EFCAB8: variants seen among roughly 807,000 people sequenced by gnomAD.
EFCAB8 encodes the protein EF-hand calcium-binding domain-containing protein 8.
Under a neutral mutation model 116.3 loss-of-function variants are expected in EFCAB8, and 100 were observed. That is an observed-to-expected ratio of 0.86 (90% CI 0.73 to 1.02). The LOEUF is 1.02. EFCAB8 is among the 50% of genes least tolerant of loss of function. The pLI is 0.00. For synonymous variants in EFCAB8, 558 were observed against 567.9 expected (o/e 0.98, Z 0.25); for missense variants, 1,320 against 1,416.9 (o/e 0.93, Z 1.10).
At chr20:32,915,144 C>T (rs1452484258) in intron 17 of EFCAB8, among the ~76,000 whole-genome samples, 1 of 152,202 alleles carries the variant, frequency 6.6e-6, no homozygotes. Context: ...TTCAAGCAAT[C>T]CTCCTGTCTT....
chr20:32,906,703 G>C (rs1319066270), intron 12 of EFCAB8, 74 bp downstream of exon 12: 4 of 719,046 alleles, frequency 5.6e-6, no homozygotes, highest in Non-Finnish European at 1.0e-5. Flanking sequence ...CCAGAGCTCA[G>C]GAGAGGGCTG....
intron 6 of EFCAB8, 84 bp downstream of exon 6, chr20:32,885,724 A>G (rs1985590891): frequency 6.7e-7 from 1 of 1,498,348 alleles, no homozygotes; most frequent in East Asian, 2.5e-5. Context: ...GGTGACCTGG[A>G]GCCAGGCAGA....
chr20:32,933,926 G>A (rs947810945), intron 22 of EFCAB8, among the ~76,000 whole-genome samples: 10 of 152,160 alleles, frequency 6.6e-5, no homozygotes, highest in African/African-American at 1.7e-4. Context: ...GCAGTGAGCC[G>A]AGGTTGCGCC....
intron 6 of EFCAB8, among the ~76,000 whole-genome samples, chr20:32,886,233 A>G (rs1410117037): frequency 6.6e-6 from 1 of 152,232 alleles, no homozygotes; most frequent in Admixed American, 6.5e-5. Flanking sequence ...TTGGGAACAC[A>G]TGATGACATA....
chr20:32,925,403 G>T (rs1987631610), intron 20 of EFCAB8, among the ~76,000 whole-genome samples: 1 of 152,118 alleles, frequency 6.6e-6, no homozygotes, highest in African/African-American at 2.4e-5. Flanking sequence ...GTTTTTAATG[G>T]AGACAGGGTT....
chr20:32,940,213 C>T (rs1265227314), intron 22 of EFCAB8, among the ~76,000 whole-genome samples: 1 of 148,910 alleles, frequency 6.7e-6, no homozygotes, highest in Non-Finnish European at 1.5e-5. Context: ...GTGATACTGG[C>T]ATAAAGAAAG....
At chr20:32,938,074 G>A (rs1988191139) in intron 22 of EFCAB8, among the ~76,000 whole-genome samples, 2 of 149,744 alleles carry the variant, frequency 1.3e-5, no homozygotes, top group Non-Finnish European at 3.0e-5. Context: ...CAAAATACTA[G>A]CAAATTGAAA....
At chr20:32,923,303 C>T (rs542287258) in intron 20 of EFCAB8, among the ~76,000 whole-genome samples, 285 of 152,186 alleles carry the variant, frequency 1.9e-3, no homozygotes, top group African/African-American at 5.9e-3. Context: ...CTGGGCAACA[C>T]GGTGAAACCC....
intron 6 of EFCAB8, among the ~76,000 whole-genome samples, chr20:32,887,582 A>G (rs1568909807): frequency 1.3e-5 from 2 of 152,246 alleles, no homozygotes. Context: ...CTCAATAAAA[A>G]GAGAGTAAAA....
chr20:32,865,386 C>T (rs960088268), intron 2 of EFCAB8, among the ~76,000 whole-genome samples: 12 of 151,998 alleles, frequency 7.9e-5, no homozygotes, highest in African/African-American at 2.9e-4. Context: ...GTGCCTGGAA[C>T]ATGGTGCATG....
chr20:32,909,766 C>T, intron 14 of EFCAB8, 55 bp from the exon 15 acceptor site: 4 of 963,176 alleles, frequency 4.2e-6, no homozygotes, highest in Non-Finnish European at 5.5e-6. Flanking sequence ...CAGCCCATCA[C>T]TGTGAGCAGA....
rs767876925 is a variant in EFCAB8, at chr20:32,912,775, T to G, written c.1786-19T>G. On this transcript the variant is annotated intron_variant, in intron 16 of 26. Transcript: ENST00000400522. ...TCTCTGATAAGTTTTCTAGTTCTGTTTTCTTTCATCTTCAACAGATTAGTG... is the reference window on the plus strand; with the variant it reads ...TCTCTGATAAGTTTTCTAGTTCTGTGTTCTTTCATCTTCAACAGATTAGTG... 2.8e-6 allele frequency: 2 copies of G among 718,580 alleles called. No homozygotes were observed. The highest frequency in any genetic ancestry group is 2.7e-5 in the East Asian group (1 of 37,288). The allele number at this position is 718,580 out of a possible 1,614,324, so 44.5% of individuals were successfully genotyped here.
intron 24 of EFCAB8, among the ~76,000 whole-genome samples, chr20:32,959,391 T>A (rs1298671736): frequency 6.6e-6 from 1 of 152,214 alleles, no homozygotes; most frequent in African/African-American, 2.4e-5. Flanking sequence ...TTGTGACTCC[T>A]ATGCTTCCAT....
chr20:32,900,547 CATTTTTT>C (rs1427820729), intron 11 of EFCAB8, among the ~76,000 whole-genome samples: 1 of 151,252 alleles, frequency 6.6e-6, no homozygotes, highest in Non-Finnish European at 1.5e-5. Flanking sequence ...TTTTATTTTT[CATTTTTT>C]AATTTTTATT....
rs374580855 is a variant in EFCAB8, at chr20:32,908,376, C to G, written c.1410C>G (p.Phe470Leu). The change falls in exon 14 of 27, where the codon TTC (phenylalanine) becomes TTG (leucine). Residue 470 changes from phenylalanine to leucine, a missense_variant. Coordinates refer to ENST00000400522, the MANE Select transcript of EFCAB8 (RefSeq NM_001143967.2). ...GNCPITSAYFFEKDNTLICST... is the reference protein window; with the variant it reads ...GNCPITSAYFLEKDNTLICST... ...GCCCCATCACCAGTGCCTACTTCTT[C>G]GAGAAGGACAATACCCTCATCTGCA... 52 of 1,249,882 alleles carry G rather than the reference C, an allele frequency of 4.2e-5. No homozygotes were observed. The highest frequency in any genetic ancestry group is 5.0e-5 in the Non-Finnish European group (49 of 988,292). The allele number at this position is 1,249,882 out of a possible 1,614,324, so 77.4% of individuals were successfully genotyped here. A position where few individuals can be genotyped will look rare whatever the true frequency, so the allele number is the denominator to read the frequency against.
At chr20:32,859,052 A>T (rs8123073) in intron 1 of EFCAB8, 46 bp downstream of exon 1, 109 of 470,990 alleles carry the variant, frequency 2.3e-4, no homozygotes, top group African/African-American at 2.0e-3. Context: ...AAGATTGGAT[A>T]CCTCTGCTGA....
chr20:32,908,533 A>T (rs1291612543), intron 14 of EFCAB8, 121 bp downstream of exon 14: 1 of 1,096,488 alleles, frequency 9.1e-7, no homozygotes, highest in African/African-American at 1.6e-5. Context: ...TGAAGCGGCT[A>T]GACTCTGTGG....
In EFCAB8 at chr20:32,937,205, C is replaced by G. The variant is rs1988156249; in HGVS notation, c.2790+5869C>G. On this transcript the variant is annotated intron_variant, in intron 22 of 26. Transcript: ENST00000400522. ...ATGTTGGTCAGGCTGGTCTCGAACTCCAGACCTCAGGTGATCCGACTGCCT... is the reference window on the plus strand; with the variant it reads ...ATGTTGGTCAGGCTGGTCTCGAACTGCAGACCTCAGGTGATCCGACTGCCT... Among the ~76,000 whole-genome samples, 3 of 152,034 alleles carry G rather than the reference C, an allele frequency of 2.0e-5. No individual in the cohort carries two copies. The South Asian group carries it at 6.2e-4, about 32-fold the overall frequency.
In EFCAB8 at chr20:32,911,488, T is replaced by C; in HGVS notation, c.1566T>C (p.Ser522=). The change falls in exon 16 of 27, where the codon AGT becomes AGC. Residue 522 remains serine, a synonymous_variant. Coordinates refer to ENST00000400522, the MANE Select transcript of EFCAB8 (RefSeq NM_001143967.2). ...LYSKIFKQVV[S]GCLRGTVSVW... ...CTGTGTGCTCCCTACAGGTGGTGAG[T>C]GGCTGCCTGCGCGGCACAGTGAGTG... is the stretch of plus-strand genomic sequence containing the variant. 6.7e-7 allele frequency: 1 copy of C among 1,487,416 alleles called. No homozygotes were observed. Among genetic ancestry groups the C allele is most frequent in the East Asian group, 2.5e-5 (1 of 40,082 alleles). The allele number at this position is 1,487,416 out of a possible 1,614,324, so 92.1% of individuals were successfully genotyped here.
Sources: gnomAD v4.1 joint callset for allele counts (sites outside exome capture counted in the v4.1 genomes callset) on GRCh38, gnomAD v4.1.1 for gene constraint, MANE v1.5 for transcripts, NCBI Gene and HGNC (gene_info 2026-07-23, HGNC 2026-07-21) for gene names.